The following INPP5A variants were observed in gnomAD, a reference collection of about 807,000 sequenced individuals.
INPP5A encodes the protein 43 kDa inositol polyphosphate 5-phophatase.
A neutral mutation model predicts 65.2 loss-of-function variants in INPP5A; 14 were observed. The ratio of observed to expected loss-of-function variants is 0.21; its 90% CI spans 0.14 to 0.34. INPP5A has a LOEUF of 0.34. Among genes scored for constraint, INPP5A ranks in the 10% least tolerant of loss-of-function variants. The pLI, the probability that INPP5A is intolerant of heterozygous loss-of-function variation, is 1.00. For synonymous variants in INPP5A, 207 were observed against 208.3 expected (o/e 0.99, Z 0.05); for missense variants, 431 against 545.6 (o/e 0.79, Z 2.09).
At chr10:132,544,628 C>T (rs544167919) in intron 1 of INPP5A, among the ~76,000 whole-genome samples, 1 of 152,078 alleles carries the variant, frequency 6.6e-6, no homozygotes, top group Non-Finnish European at 1.5e-5. Flanking sequence ...CAGGAAACCA[C>T]GTCTAAATCT....
chr10:132,759,151 C>T (rs1456376809), intron 11 of INPP5A, among the ~76,000 whole-genome samples: 1 of 152,214 alleles, frequency 6.6e-6, no homozygotes. Flanking sequence ...GCCCAGGCCT[C>T]AGTGAGGCCA....
Position 132,615,026 on chromosome 10 carries a change from C to T in INPP5A, c.117+7070C>T, listed in dbSNP as rs74163968. ...GTGAAGAGAACGCCTTCCCGTGACG[C>T]GTCCAGCGTTGGGTCAGTGTGGAGG... On this transcript the variant is annotated intron_variant, in intron 2 of 15. Coordinates refer to ENST00000368594, the MANE Select transcript of INPP5A (RefSeq NM_005539.5). Among the ~76,000 whole-genome samples the T allele has an allele frequency of 2.9e-3, 440 of 152,374 alleles. 2 individuals are homozygous for T. Among genetic ancestry groups the T allele is most frequent in the African/African-American group, 0.01 (418 of 41,592 alleles).
Position 132,650,499 on chromosome 10 carries a change from C to G in INPP5A, c.300C>G (p.His100Gln). 6.2e-7 allele frequency: 1 copy of G among 1,611,808 alleles called. No homozygotes were observed. Among genetic ancestry groups the G allele is most frequent in the Non-Finnish European group, 8.5e-7 (1 of 1,178,242 alleles). ...YLDENYKSQE[H>Q]FTALGSFYFL... ...ATGAAAACTACAAATCCCAGGAGCA[C>G]TTCACGGTGAGTCCCTCCCGCTGCC... The change falls in exon 4 of 16, where the codon CAC (histidine) becomes CAG (glutamine). Residue 100 changes from histidine to glutamine, a missense_variant. Coordinates refer to ENST00000368594, the MANE Select transcript of INPP5A (RefSeq NM_005539.5). This position sits in a 1 kb window ranked among gnomAD's most constrained non-coding sequence, Gnocchi z 5.5.
At chr10:132,585,264 A>G (rs186706596) in intron 1 of INPP5A, among the ~76,000 whole-genome samples, 47 of 152,380 alleles carry the variant, frequency 3.1e-4, no homozygotes, top group African/African-American at 1.1e-3. Context: ...AAATGAAATC[A>G]TTTGTATACA....
intron 2 of INPP5A, among the ~76,000 whole-genome samples, chr10:132,635,386 ATTTTTTT>A (rs775271931): frequency 1.2e-3 from 68 of 54,516 alleles, no homozygotes; most frequent in Middle Eastern, 0.026. Flanking sequence ...CTTTTTAAAG[ATTTTTTT>A]TTTTTTTTTT....
intron 8 of INPP5A, among the ~76,000 whole-genome samples, chr10:132,712,264 TTG>T (rs771392243): frequency 3.3e-5 from 5 of 152,032 alleles, no homozygotes; most frequent in Admixed American, 1.3e-4. Context: ...ATGTATGTAA[TTG>T]TGTGTGTGCA....
intron 9 of INPP5A, among the ~76,000 whole-genome samples, chr10:132,729,474 C>T (rs1222147188): frequency 2.0e-5 from 3 of 152,204 alleles, no homozygotes; most frequent in Middle Eastern, 3.2e-3. Flanking sequence ...CTGGACCCCG[C>T]CAGGGAGGGT....
Position 132,545,811 on chromosome 10 carries a change from C to G in INPP5A, c.75+7640C>G, listed in dbSNP as rs2070962063. Among the ~76,000 whole-genome samples, 1 of 152,242 alleles carries G rather than the reference C, an allele frequency of 6.6e-6. No homozygotes were observed. The highest frequency in any genetic ancestry group is 2.1e-4 in the South Asian group (1 of 4,828). On this transcript the variant is annotated intron_variant, in intron 1 of 15. Coordinates refer to ENST00000368594, the MANE Select transcript of INPP5A (RefSeq NM_005539.5). This position sits in a 1 kb window ranked among gnomAD's most constrained non-coding sequence, Gnocchi z 4.6. The stretch of plus-strand genomic sequence containing the variant: ...CCATGGGCTCAGATCTGGCGTTTTC[C>G]AAGCTCCCCCTGCTTTGTGGAGCTC...
rs574359822 is a variant in INPP5A at position 132,734,381 on chromosome 10, A to G, written c.732+7476A>G. ...TCCTCGTACAGCTTTCATTTTTCGC[A>G]CTGTGGTCCAGCCTCCAGTGTCTTT... On this transcript the variant is annotated intron_variant, in intron 9 of 15. Coordinates refer to ENST00000368594, the MANE Select transcript of INPP5A (RefSeq NM_005539.5). Among the ~76,000 whole-genome samples, 263 of 152,266 alleles carry G rather than the reference A, an allele frequency of 1.7e-3. 3 individuals carry two copies. Among genetic ancestry groups the G allele is most frequent in the African/African-American group, 5.7e-3 (235 of 41,568 alleles).
In INPP5A at chr10:132,663,049, G is replaced by A. The variant is rs946992196; in HGVS notation, c.306+12544G>A. Among the ~76,000 whole-genome samples the A allele has an allele frequency of 2.6e-5, 4 of 152,176 alleles. No individual in the cohort carries two copies. The highest frequency in any genetic ancestry group is 9.7e-5 in the African/African-American group (4 of 41,426). On this transcript the variant is annotated intron_variant, in intron 4 of 15. Transcript: ENST00000368594. The surrounding 1 kb of genome is among the most constrained non-coding windows in gnomAD (Gnocchi z 4.5). ...TCAAACTGCAGATTTAATGGAAAAG[G>A]GAAGTACTTCCATCAGCAGCTGGCC...
At chr10:132,576,650 T>A (rs1170917590) in intron 1 of INPP5A, among the ~76,000 whole-genome samples, 1 of 152,248 alleles carries the variant, frequency 6.6e-6, no homozygotes, top group East Asian at 1.9e-4. Context: ...TTCTAAATGA[T>A]CTTGGAATAC....
chr10:132,652,008 C>T (rs2072584115), intron 4 of INPP5A, among the ~76,000 whole-genome samples: 1 of 152,186 alleles, frequency 6.6e-6, no homozygotes, highest in South Asian at 2.1e-4. Flanking sequence ...GTAGCTCCTC[C>T]TGTCAGCCTT....
chr10:132,622,365 A>G (rs1204827075), intron 2 of INPP5A, among the ~76,000 whole-genome samples: 3 of 131,180 alleles, frequency 2.3e-5, no homozygotes, highest in African/African-American at 5.9e-5. Flanking sequence ...AACTTGAGAA[A>G]TATACCGCGT....
At chr10:132,614,336 G>A (rs1053135527) in intron 2 of INPP5A, among the ~76,000 whole-genome samples, 5 of 152,174 alleles carry the variant, frequency 3.3e-5, no homozygotes, top group African/African-American at 1.2e-4. Context: ...GCATGGTGGT[G>A]GGCGCCTGTA....
rs1846265887 is a variant in INPP5A, at chr10:132,741,316, T to G, written c.733-8201T>G. ...CAGCATGAGATGGGCTGGCCAGATC[T>G]CCGCAGCCTAACAGTGGGCAGCTCC... On this transcript the variant is annotated intron_variant, in intron 9 of 15. Coordinates refer to ENST00000368594, the MANE Select transcript of INPP5A (RefSeq NM_005539.5). This position sits in a 1 kb window ranked among gnomAD's most constrained non-coding sequence, Gnocchi z 4.4. 6.6e-6 allele frequency among the ~76,000 whole-genome samples: 1 copy of G among 152,238 alleles called. No homozygotes were observed. The highest frequency in any genetic ancestry group is 2.4e-5 in the African/African-American group (1 of 41,478).
At chr10:132,668,127 C>T (rs536157869) in intron 4 of INPP5A, among the ~76,000 whole-genome samples, 10 of 152,146 alleles carry the variant, frequency 6.6e-5, no homozygotes, top group Admixed American at 2.6e-4. Context: ...TGGAGTCTGC[C>T]GGCCTTGCAG....
chr10:132,732,247 A>G (rs1846099963), intron 9 of INPP5A, among the ~76,000 whole-genome samples: 1 of 152,264 alleles, frequency 6.6e-6, no homozygotes, highest in Non-Finnish European at 1.5e-5. Flanking sequence ...AGAAAAATGA[A>G]TAGTTTTAAA....
At chr10:132,570,351 C>T (rs1043401980) in intron 1 of INPP5A, among the ~76,000 whole-genome samples, 7 of 152,226 alleles carry the variant, frequency 4.6e-5, no homozygotes, top group Non-Finnish European at 8.8e-5. Flanking sequence ...GTGGATGCCC[C>T]GTGGGCACCT....
chr10:132,745,626 G>C lies in INPP5A; in HGVS notation c.733-3891G>C, dbSNP rs138266742. ...CCACAGTGTGTCAGACCCTGGGTGT[G>C]GTGGGCCTCGGGCGTGGTGGCCTCG... On this transcript the variant is annotated intron_variant, in intron 9 of 15. Coordinates refer to ENST00000368594, the MANE Select transcript of INPP5A (RefSeq NM_005539.5). Among the ~76,000 whole-genome samples the C allele has an allele frequency of 2.8e-3, 420 of 151,392 alleles. 5 individuals carry two copies. Among genetic ancestry groups the C allele is most frequent in the African/African-American group, 8.6e-3 (355 of 41,194 alleles).
Sources: gnomAD v4.1 joint callset for allele counts (sites outside exome capture counted in the v4.1 genomes callset) on GRCh38, gnomAD v4.1.1 for gene constraint, Gnocchi (gnomAD v3.1) non-coding constraint, MANE v1.5 for transcripts, NCBI Gene and HGNC (gene_info 2026-07-23, HGNC 2026-07-21) for gene names.